The following TMCC1 variants were observed in gnomAD, a reference collection of about 807,000 sequenced individuals.
The protein encoded by TMCC1 is transmembrane and coiled-coil domains protein 1.
Under a neutral mutation model 52.4 loss-of-function variants are expected in TMCC1, and 15 were observed. The ratio of observed to expected loss-of-function variants is 0.29; its 90% CI spans 0.19 to 0.44. The LOEUF (loss-of-function observed/expected upper bound fraction) is 0.44. Ranked by LOEUF, TMCC1 falls within the 20% of genes least tolerant of loss-of-function variation. The pLI, the probability that TMCC1 is intolerant of heterozygous loss-of-function variation, is 1.00. For missense variants in TMCC1, 503 were observed against 806.0 expected, an observed-to-expected ratio of 0.62 and a Z score of 4.55; for synonymous variants, 279 against 301.9, an observed-to-expected ratio of 0.92 and a Z score of 0.79.
At chr3:129,658,654 G>A (rs2086825287) in intron 5 of TMCC1, among the ~76,000 whole-genome samples, 1 of 152,164 alleles carries the variant, frequency 6.6e-6, no homozygotes, top group Non-Finnish European at 1.5e-5. Flanking sequence ...ATAACATGAG[G>A]CAAGAAAGAG....
chr3:129,769,168 C>A (rs149343410), intron 4 of TMCC1, among the ~76,000 whole-genome samples: 1 of 152,246 alleles, frequency 6.6e-6, no homozygotes, highest in Admixed American at 6.5e-5. Context: ...GCGGGCCGCA[C>A]GTGGCCCAGG....
chr3:129,672,480 G>T (rs1191074069), intron 4 of TMCC1, among the ~76,000 whole-genome samples: 1 of 151,964 alleles, frequency 6.6e-6, no homozygotes, highest in Non-Finnish European at 1.5e-5. Context: ...CACACCCATA[G>T]TTCCAGCTAG....
intron 4 of TMCC1, among the ~76,000 whole-genome samples, chr3:129,713,038 G>T (rs1415220356): frequency 6.6e-6 from 1 of 152,064 alleles, no homozygotes; most frequent in Non-Finnish European, 1.5e-5. Flanking sequence ...AAGGCGGGAG[G>T]ATTGCTTGAG....
chr3:129,799,692 G>A (rs2057062611), intron 4 of TMCC1, among the ~76,000 whole-genome samples: 5 of 152,012 alleles, frequency 3.3e-5, no homozygotes, highest in Admixed American at 3.3e-4. Flanking sequence ...GGCACCTGTG[G>A]TCCCAGCTGC....
intron 4 of TMCC1, among the ~76,000 whole-genome samples, chr3:129,766,188 A>G (rs142110836): frequency 9.9e-4 from 151 of 152,356 alleles, no homozygotes; most frequent in African/African-American, 3.5e-3. Flanking sequence ...GGCAAAAGCA[A>G]GTCAGAATAA....
intron 4 of TMCC1, among the ~76,000 whole-genome samples, chr3:129,763,865 T>C (rs1006025200): frequency 2.0e-5 from 3 of 151,396 alleles, no homozygotes; most frequent in Admixed American, 6.6e-5. Context: ...AAAATACCTG[T>C]CTTAGTTTTT....
intron 4 of TMCC1, among the ~76,000 whole-genome samples, chr3:129,672,670 C>A (rs540720086): frequency 1.2e-4 from 18 of 152,190 alleles, no homozygotes; most frequent in Non-Finnish European, 2.2e-4. Flanking sequence ...AATAAAATAA[C>A]CTTCTTAGGG....
chr3:129,845,451 T>C (rs530479319), intron 2 of TMCC1, among the ~76,000 whole-genome samples: 4 of 152,300 alleles, frequency 2.6e-5, no homozygotes, highest in African/African-American at 9.6e-5. Flanking sequence ...ATGAGTATAC[T>C]TATCTCAAAA....
intron 4 of TMCC1, among the ~76,000 whole-genome samples, chr3:129,816,157 A>G (rs1207431856): frequency 6.6e-6 from 1 of 152,194 alleles, no homozygotes; most frequent in African/African-American, 2.4e-5. Flanking sequence ...TACAGCCACT[A>G]TGGAAAACTT....
intron 4 of TMCC1, among the ~76,000 whole-genome samples, chr3:129,710,357 G>A (rs1286722901): frequency 4.6e-5 from 7 of 152,204 alleles, no homozygotes; most frequent in Admixed American, 3.3e-4. Context: ...GAATAGGGAC[G>A]GTCTCATTAT....
At chr3:129,703,937 A>C (rs1481854447) in intron 4 of TMCC1, among the ~76,000 whole-genome samples, 1 of 152,220 alleles carries the variant, frequency 6.6e-6, no homozygotes, top group Non-Finnish European at 1.5e-5. Flanking sequence ...CTGAGAGGTC[A>C]AAGGCTTAAA....
chr3:129,738,390 A>C, intron 4 of TMCC1, among the ~76,000 whole-genome samples: 1 of 152,170 alleles, frequency 6.6e-6, no homozygotes, highest in East Asian at 1.9e-4. Context: ...GCGTCACGTT[A>C]ATTAGGAAGC....
intron 4 of TMCC1, among the ~76,000 whole-genome samples, chr3:129,724,213 A>C (rs534663599): frequency 1.3e-5 from 2 of 152,332 alleles, no homozygotes; most frequent in South Asian, 4.1e-4. Flanking sequence ...GGCAATTCCA[A>C]AACAAGAGAT....
chr3:129,855,088 T>C (rs1183248334), intron 2 of TMCC1, among the ~76,000 whole-genome samples: 1 of 152,244 alleles, frequency 6.6e-6, no homozygotes. Context: ...ATCACCATGA[T>C]CTTCACTATA....
rs2086286373 is a variant in TMCC1, at chr3:129,650,927, T to G, written c.*554A>C. 6.4e-6 allele frequency: 1 copy of G among 155,708 alleles called. No individual in the cohort carries two copies. Among genetic ancestry groups the G allele is most frequent in the Non-Finnish European group, 1.4e-5 (1 of 69,906 alleles). The allele number at this position is 155,708 out of a possible 1,614,324, so 9.6% of individuals were successfully genotyped here. A position where few individuals can be genotyped will look rare whatever the true frequency, so the allele number is the denominator to read the frequency against. On this transcript the variant is annotated 3_prime_UTR_variant, in exon 7 of 7. Transcript: ENST00000393238. ...TCAAAAGTGATCATACTTCCAGGAT[T>G]AGCGTAAGTGGCCAACTTGGGTGAG...
At chr3:129,734,068 A>T (rs999301505) in intron 4 of TMCC1, among the ~76,000 whole-genome samples, 1 of 152,222 alleles carries the variant, frequency 6.6e-6, no homozygotes, top group African/African-American at 2.4e-5. Context: ...TACTAGATAA[A>T]TTAGTATATA....
At chr3:129,767,189 A>C (rs368764782) in intron 4 of TMCC1, among the ~76,000 whole-genome samples, 1 of 149,004 alleles carries the variant, frequency 6.7e-6, no homozygotes, top group East Asian at 2.0e-4. Context: ...TGAACCCGGG[A>C]GGCACAGGTT....
intron 4 of TMCC1, among the ~76,000 whole-genome samples, chr3:129,711,213 C>G (rs1193291387): frequency 6.6e-6 from 1 of 152,200 alleles, no homozygotes; most frequent in Admixed American, 6.5e-5. Flanking sequence ...GACTGATGCA[C>G]TCCAGAATCA....
intron 4 of TMCC1, among the ~76,000 whole-genome samples, chr3:129,775,391 CAA>C (rs908216666): frequency 3.9e-5 from 6 of 151,938 alleles, no homozygotes; most frequent in African/African-American, 1.5e-4. Context: ...TGTCTGAGCC[CAA>C]GAGTTCAAGG....
Sources: allele counts gnomAD v4.1 joint callset (sites outside exome capture counted in the v4.1 genomes callset), GRCh38; gene constraint gnomAD v4.1.1; transcripts MANE v1.5; gene names NCBI Gene and HGNC (gene_info 2026-07-23, HGNC 2026-07-21).